UBE2L6: variants seen among roughly 807,000 people sequenced by gnomAD.
The protein encoded by UBE2L6 is ubiquitin/ISG15-conjugating enzyme E2 L6.
UBE2L6 carries 11 observed loss-of-function variants against 13.6 expected under a neutral mutation model. The observed-to-expected ratio is 0.81, with a 90% CI of 0.51 to 1.34. The LOEUF is 1.34. UBE2L6 is among the 40% of genes most tolerant of loss of function. The pLI, the probability that UBE2L6 is intolerant of heterozygous loss-of-function variation, is 0.00. For missense variants in UBE2L6, 197 were observed against 199.5 expected (o/e 0.99, Z 0.07); for synonymous variants, 74 against 83.2 (o/e 0.89, Z 0.60).
At chr11:57,567,797 C>T (rs1306121580), upstream of UBE2L6, 1 of 599,340 alleles carries the variant, frequency 1.7e-6, no homozygotes, top group Non-Finnish European at 2.6e-6. Flanking sequence ...GAAGGACGAC[C>T]CGCCGGACAA....
intron 2 of UBE2L6, 106 bp downstream of exon 2, chr11:57,560,231 A>G (rs1210820999): frequency 1.2e-6 from 1 of 845,454 alleles, no homozygotes; most frequent in East Asian, 2.5e-5. Flanking sequence ...CCTCCAGTAA[A>G]AGGATCTCAA....
chr11:57,560,470 C>T, intron 1 of UBE2L6, 38 bp from the exon 2 acceptor site: 1 of 1,512,270 alleles, frequency 6.6e-7, no homozygotes, highest in South Asian at 1.1e-5. Context: ...TTGGCCTAGT[C>T]CTCCTTATTT....
intron 3 of UBE2L6, among the ~76,000 whole-genome samples, chr11:57,553,423 G>A (rs1944973890): frequency 1.3e-5 from 2 of 152,266 alleles, no homozygotes; most frequent in Non-Finnish European, 2.9e-5. Flanking sequence ...GAGCCCAGGA[G>A]GTGGAGGTTG....
intron 1 of UBE2L6, among the ~76,000 whole-genome samples, chr11:57,565,962 C>A (rs1279720844): frequency 6.6e-6 from 1 of 150,382 alleles, no homozygotes; most frequent in Non-Finnish European, 1.5e-5. Flanking sequence ...TCCCATGCCC[C>A]CCTCCTATCC....
chr11:57,563,306 G>A (rs927908227), intron 1 of UBE2L6, among the ~76,000 whole-genome samples: 3 of 151,486 alleles, frequency 2.0e-5, no homozygotes, highest in Non-Finnish European at 2.9e-5. Flanking sequence ...CCTGGCCAAC[G>A]TGGTGAGGCC....
Position 57,560,348 on chromosome 11 carries a change from G to C in UBE2L6, c.112C>G (p.Leu38Val), listed in dbSNP as rs1436379266. 1 of 1,613,952 alleles carries C rather than the reference G, an allele frequency of 6.2e-7. No individual in the cohort carries two copies. The highest frequency in any genetic ancestry group is 1.1e-5 in the South Asian group (1 of 91,080). Reference protein sequence around the residue: ...DDANVLVWHALLLPDQPPYHL... With the variant: ...DDANVLVWHAVLLPDQPPYHL... The stretch of plus-strand genomic sequence containing the variant: ...CCATGGATACTCACGGGTAGGAGGA[G>C]AGCGTGCCACACCAGGACATTGGCA... The change falls in exon 2 of 4, where the codon CTC becomes GTC. Residue 38 changes from leucine (L) to valine (V), a missense_variant. Coordinates refer to ENST00000287156, the MANE Select transcript of UBE2L6 (RefSeq NM_004223.5).
At chr11:57,566,420 A>G (rs61887019) in intron 1 of UBE2L6, among the ~76,000 whole-genome samples, 13,164 of 152,288 alleles carry the variant, frequency 0.086, 603 homozygotes, top group Non-Finnish European at 0.11. Flanking sequence ...GACTCTGGAC[A>G]AGCAAGTTAT....
chr11:57,562,964 C>T (rs1945058587), intron 1 of UBE2L6, among the ~76,000 whole-genome samples: 5 of 152,082 alleles, frequency 3.3e-5, no homozygotes, highest in South Asian at 2.1e-4. Context: ...AGCTTCAAGA[C>T]GATCCAGGAA....
chr11:57,553,783 G>A (rs1028734239), intron 3 of UBE2L6, among the ~76,000 whole-genome samples: 1 of 152,162 alleles, frequency 6.6e-6, no homozygotes, highest in Non-Finnish European at 1.5e-5. Context: ...CCAAGATCGC[G>A]CCACTGCACT....
intron 1 of UBE2L6, 22 bp downstream of exon 1, chr11:57,567,563 G>T: frequency 6.2e-7 from 1 of 1,606,132 alleles, no homozygotes; most frequent in Non-Finnish European, 8.5e-7. Flanking sequence ...CAAGAGAAAG[G>T]GGTCATCCTA....
At chr11:57,555,804 T>A (rs1024610814) in intron 2 of UBE2L6, among the ~76,000 whole-genome samples, 1 of 152,222 alleles carries the variant, frequency 6.6e-6, no homozygotes, top group African/African-American at 2.4e-5. Context: ...CTCCTGGACT[T>A]GAGCAATCCT....
In UBE2L6 at chr11:57,553,268, T is replaced by C. The variant is rs925488786; in HGVS notation, c.311-759A>G. Among the ~76,000 whole-genome samples the C allele has an allele frequency of 4.5e-4, 68 of 152,190 alleles. 1 individual carries two copies. Among genetic ancestry groups the C allele is most frequent in the African/African-American group, 1.4e-3 (60 of 41,460 alleles). The stretch of plus-strand genomic sequence containing the variant: ...CACCACTTTGGGAGGCCAAGATGGG[T>C]GGATGGCTTGAACTCACGAGTTTGA... On this transcript the variant is annotated intron_variant, in intron 3 of 3. Coordinates refer to ENST00000287156, the MANE Select transcript of UBE2L6 (RefSeq NM_004223.5).
At chr11:57,555,562 G>A (rs912929287) in intron 2 of UBE2L6, among the ~76,000 whole-genome samples, 5 of 152,050 alleles carry the variant, frequency 3.3e-5, no homozygotes, top group African/African-American at 1.2e-4. Context: ...CGGTGGTGAT[G>A]GTTGTGCAAC....
intron 1 of UBE2L6, among the ~76,000 whole-genome samples, chr11:57,566,749 G>A (rs901228302): frequency 1.3e-5 from 2 of 152,118 alleles, no homozygotes; most frequent in East Asian, 3.9e-4. Context: ...AGACTGGAAG[G>A]GGCACTTCTG....
intron 2 of UBE2L6, among the ~76,000 whole-genome samples, chr11:57,556,572 A>C (rs1406041574): frequency 7.3e-6 from 1 of 137,838 alleles, no homozygotes; most frequent in Non-Finnish European, 1.5e-5. Context: ...AGCCTGGGCA[A>C]CAAGAGCAAA....
upstream of UBE2L6, chr11:57,567,738 C>T (rs1236429764): frequency 1.6e-6 from 2 of 1,226,870 alleles, no homozygotes; most frequent in East Asian, 2.8e-5. Context: ...CTCCAGCCGT[C>T]GCTGCGTGGG....
intron 1 of UBE2L6, chr11:57,567,088 T>A (rs1266442017): frequency 2.2e-6 from 1 of 456,380 alleles, no homozygotes; most frequent in Non-Finnish European, 4.4e-6. Flanking sequence ...CAGGGAACTT[T>A]GTCCCAAATT....
At chr11:57,567,761 C>A (rs1945105727), upstream of UBE2L6, 2 of 946,246 alleles carry the variant, frequency 2.1e-6, no homozygotes, top group South Asian at 2.0e-5. Flanking sequence ...TCCCCGCACC[C>A]GCTCCGGCGA....
chr11:57,567,194 G>A (rs1047120671), intron 1 of UBE2L6: 4 of 460,766 alleles, frequency 8.7e-6, no homozygotes, highest in Non-Finnish European at 1.7e-5. Context: ...ACTTCATCCT[G>A]GTCATCTGTG....
Sources: gnomAD v4.1 joint callset for allele counts (sites outside exome capture counted in the v4.1 genomes callset) on GRCh38, gnomAD v4.1.1 for gene constraint, MANE v1.5 for transcripts, NCBI Gene and HGNC (gene_info 2026-07-23, HGNC 2026-07-21) for gene names.